Variants in CDK6 observed in about 807,000 individuals in gnomAD.
The protein encoded by CDK6 is cyclin-dependent kinase 6.
CDK6 carries 6 observed loss-of-function variants against 37.1 expected under a neutral mutation model. The ratio of observed to expected loss-of-function variants is 0.16; its 90% CI spans 0.09 to 0.32. The LOEUF is 0.32. Among genes scored for constraint, CDK6 ranks in the 10% least tolerant of loss-of-function variants. The pLI is 1.00. For missense variants in CDK6, 224 were observed against 418.9 expected, an observed-to-expected ratio of 0.53 and a Z score of 4.06; for synonymous variants, 160 against 161.3, an observed-to-expected ratio of 0.99 and a Z score of 0.06.
intron 5 of CDK6, among the ~76,000 whole-genome samples, chr7:92,659,628 AC>A (rs1163550784): frequency 2.0e-5 from 3 of 149,600 alleles, no homozygotes; most frequent in Non-Finnish European, 2.9e-5. Flanking sequence ...ACACACACAC[AC>A]ACACACCACA....
At chr7:92,711,776 C>T (rs1483968733) in intron 4 of CDK6, among the ~76,000 whole-genome samples, 1 of 151,456 alleles carries the variant, frequency 6.6e-6, no homozygotes, top group African/African-American at 2.4e-5. Context: ...TCATGTTGCC[C>T]AGGTTGGTCT....
chr7:92,668,191 T>C (rs1455992329), intron 5 of CDK6, among the ~76,000 whole-genome samples: 2 of 152,236 alleles, frequency 1.3e-5, no homozygotes, highest in African/African-American at 4.8e-5. Context: ...TGGTAGTCAG[T>C]ATGATAATAT....
intron 5 of CDK6, among the ~76,000 whole-genome samples, chr7:92,655,008 C>CT (rs1796661824): frequency 7.3e-6 from 1 of 137,538 alleles, no homozygotes; most frequent in Non-Finnish European, 1.6e-5. Context: ...ATGCCTGGAT[C>CT]ATTTTTTTTT....
chr7:92,810,556 G>A (rs1251218472), intron 2 of CDK6, among the ~76,000 whole-genome samples: 1 of 152,168 alleles, frequency 6.6e-6, no homozygotes, highest in South Asian at 2.1e-4. Flanking sequence ...GTAGACAACT[G>A]TCATGACGAA....
At chr7:92,621,192 T>C (rs1011692674) in intron 6 of CDK6, among the ~76,000 whole-genome samples, 1 of 152,234 alleles carries the variant, frequency 6.6e-6, no homozygotes, top group Non-Finnish European at 1.5e-5. Context: ...GGGTGCAGCA[T>C]TGTCCCTTTT....
chr7:92,814,555 C>CA (rs201939605), intron 2 of CDK6, among the ~76,000 whole-genome samples: 15,159 of 69,522 alleles, frequency 0.22, 1,390 homozygotes, highest in South Asian at 0.36. Flanking sequence ...AACTGAATTG[C>CA]AAAAAAAAAA....
chr7:92,724,377 A>G (rs1798460294), intron 4 of CDK6, among the ~76,000 whole-genome samples: 1 of 152,216 alleles, frequency 6.6e-6, no homozygotes. Flanking sequence ...AACATTTTCC[A>G]AGGAATCCTC....
chr7:92,825,526 C>T (rs1458061583), intron 2 of CDK6, among the ~76,000 whole-genome samples: 1 of 152,040 alleles, frequency 6.6e-6, no homozygotes. Flanking sequence ...TGAATTCAAA[C>T]TGGAAGTATA....
intron 5 of CDK6, among the ~76,000 whole-genome samples, chr7:92,645,621 G>A (rs1796429792): frequency 6.6e-6 from 1 of 152,220 alleles, no homozygotes; most frequent in South Asian, 2.1e-4. Context: ...TTAGGGTGAG[G>A]AAGAAGCTTC....
At chr7:92,680,431 C>T (rs2116622188) in intron 4 of CDK6, among the ~76,000 whole-genome samples, 1 of 75,548 alleles carries the variant, frequency 1.3e-5, no homozygotes, top group East Asian at 4.6e-4. Context: ...GAAATTCCAT[C>T]TCAGAAAAAA....
In CDK6 at chr7:92,835,817, G is replaced by T. The variant is rs1010531321; in HGVS notation, c.-368+661C>A. Among the ~76,000 whole-genome samples, 1 of 152,242 alleles carries T rather than the reference G, an allele frequency of 6.6e-6. No individual in the cohort carries two copies. Among genetic ancestry groups the T allele is most frequent in the South Asian group, 2.1e-4 (1 of 4,830 alleles). On this transcript the variant is annotated intron_variant, in intron 1 of 7. Coordinates refer to ENST00000424848, the MANE Select transcript of CDK6 (RefSeq NM_001145306.2). The surrounding 1 kb of genome is among the most constrained non-coding windows in gnomAD (Gnocchi z 4.2). ...GGACCAGGGCTGCTCACTGCGGGGCGTGTGTTTAACTCCAATATTTTAAAT... is the reference window on the plus strand; with the variant it reads ...GGACCAGGGCTGCTCACTGCGGGGCTTGTGTTTAACTCCAATATTTTAAAT...
At chr7:92,629,401 A>C (rs9886046) in intron 5 of CDK6, among the ~76,000 whole-genome samples, 1 of 152,030 alleles carries the variant, frequency 6.6e-6, no homozygotes, top group African/African-American at 2.4e-5. Flanking sequence ...CCTCTAGAGA[A>C]AGAGATGGAG....
chr7:92,772,375 T>C (rs139585385), intron 3 of CDK6, among the ~76,000 whole-genome samples: 20 of 152,212 alleles, frequency 1.3e-4, no homozygotes, highest in African/African-American at 4.8e-4. Context: ...AAACCTTCAA[T>C]AACTAGAGCC....
At chr7:92,724,269 C>T (rs994345135) in intron 4 of CDK6, among the ~76,000 whole-genome samples, 3 of 152,144 alleles carry the variant, frequency 2.0e-5, no homozygotes, top group Non-Finnish European at 2.9e-5. Context: ...AAAGCTGAGG[C>T]CTATCTTTTA....
At chr7:92,700,086 G>A (rs1797809360) in intron 4 of CDK6, among the ~76,000 whole-genome samples, 2 of 152,138 alleles carry the variant, frequency 1.3e-5, no homozygotes, top group Non-Finnish European at 2.9e-5. Flanking sequence ...GGGGTATCTA[G>A]TGTTAGAGGC....
intron 5 of CDK6, among the ~76,000 whole-genome samples, chr7:92,659,900 T>C (rs1050171862): frequency 2.0e-5 from 3 of 151,976 alleles, no homozygotes; most frequent in Admixed American, 6.6e-5. Flanking sequence ...AAGCCCAATA[T>C]AGAAAAAAGA....
intron 3 of CDK6, among the ~76,000 whole-genome samples, chr7:92,745,874 T>G (rs2115655182): frequency 1.3e-5 from 2 of 152,350 alleles, no homozygotes; most frequent in Middle Eastern, 6.8e-3. Flanking sequence ...GCACTATTTT[T>G]ATTTGCTAAA....
chr7:92,655,869 G>A (rs556315545), intron 5 of CDK6, among the ~76,000 whole-genome samples: 4 of 152,240 alleles, frequency 2.6e-5, no homozygotes, highest in African/African-American at 9.6e-5. Flanking sequence ...AAAAGTGCAT[G>A]TATGTGCATT....
In CDK6 at chr7:92,797,954, C is replaced by T. The variant is rs184738899; in HGVS notation, c.234-23123G>A. Among the ~76,000 whole-genome samples the T allele has an allele frequency of 1.5e-3, 235 of 152,250 alleles. 2 individuals carry two copies. Among genetic ancestry groups the T allele is most frequent in the African/African-American group, 5.2e-3 (216 of 41,548 alleles). ...GGTGCTCCAGTGAGCAAAACTGTCC[C>T]CTCTGGAAGTTACTGGAATCACTAT... On this transcript the variant is annotated intron_variant, in intron 2 of 7. Coordinates refer to ENST00000424848, the MANE Select transcript of CDK6 (RefSeq NM_001145306.2).
Sources: allele counts gnomAD v4.1 joint callset (sites outside exome capture counted in the v4.1 genomes callset), GRCh38; gene constraint gnomAD v4.1.1; non-coding constraint Gnocchi (gnomAD v3.1); transcripts MANE v1.5; gene names NCBI Gene and HGNC (gene_info 2026-07-23, HGNC 2026-07-21).